The following ESRRG variants were observed in gnomAD, a reference collection of about 807,000 sequenced individuals.
ESRRG encodes estrogen-related receptor gamma.
ESRRG carries 13 observed loss-of-function variants against 44.0 expected under a neutral mutation model. That is an observed-to-expected ratio of 0.30 (90% CI 0.19 to 0.47). The LOEUF is 0.47. Among genes scored for constraint, ESRRG ranks in the 20% least tolerant of loss-of-function variants. The pLI is 1.00. For missense variants in ESRRG, 395 were observed against 580.6 expected, an observed-to-expected ratio of 0.68 and a Z score of 3.29; for synonymous variants, 215 against 214.6, an observed-to-expected ratio of 1.00 and a Z score of -0.02.
At chr1:217,006,788 T>C (rs1159063946) in intron 1 of ESRRG, among the ~76,000 whole-genome samples, 1 of 152,086 alleles carries the variant, frequency 6.6e-6, no homozygotes, top group African/African-American at 2.4e-5. Context: ...AGGTGTAAAT[T>C]TTCCACTTGT....
chr1:216,772,092 C>T (rs2093408787), intron 2 of ESRRG, among the ~76,000 whole-genome samples: 1 of 151,978 alleles, frequency 6.6e-6, no homozygotes, highest in Admixed American at 6.6e-5. Flanking sequence ...AGACAGGTAC[C>T]CGACAGATTT....
chr1:216,590,123 A>G (rs1334741856), intron 3 of ESRRG, among the ~76,000 whole-genome samples: 1 of 152,006 alleles, frequency 6.6e-6, no homozygotes, highest in East Asian at 1.9e-4. Context: ...AAATATATTC[A>G]ATATCACAGA....
chr1:216,902,956 C>T (rs1446172384), intron 2 of ESRRG, among the ~76,000 whole-genome samples: 1 of 152,154 alleles, frequency 6.6e-6, no homozygotes, highest in African/African-American at 2.4e-5. Context: ...CAGTACAAGG[C>T]TGTCATTGTT....
chr1:217,015,814 C>T (rs1188985937), intron 1 of ESRRG, among the ~76,000 whole-genome samples: 2 of 151,394 alleles, frequency 1.3e-5, no homozygotes, highest in Non-Finnish European at 2.9e-5. Flanking sequence ...ACTGCAACCT[C>T]CACCTCCCAG....
chr1:216,752,554 C>T (rs1469905300), intron 2 of ESRRG, among the ~76,000 whole-genome samples: 2 of 152,118 alleles, frequency 1.3e-5, no homozygotes, highest in African/African-American at 4.8e-5. Flanking sequence ...CAGTTCAGAA[C>T]ACACTGCTAG....
intron 1 of ESRRG, among the ~76,000 whole-genome samples, chr1:217,014,667 G>T (rs1240964877): frequency 1.3e-5 from 2 of 152,126 alleles, no homozygotes; most frequent in Non-Finnish European, 2.9e-5. Context: ...CTCCATCCTG[G>T]TGCTTTATTT....
At chr1:216,794,619 T>C (rs1030078657) in intron 2 of ESRRG, among the ~76,000 whole-genome samples, 4 of 152,190 alleles carry the variant, frequency 2.6e-5, no homozygotes, top group African/African-American at 7.2e-5. Context: ...ACATTTCTTT[T>C]TTTTCCCACT....
intron 2 of ESRRG, among the ~76,000 whole-genome samples, chr1:216,926,189 C>T (rs1035927415): frequency 2.0e-5 from 3 of 152,156 alleles, no homozygotes; most frequent in East Asian, 1.9e-4. Context: ...CCCCTGCCCT[C>T]GAGCTGCTGC....
intron 5 of ESRRG, among the ~76,000 whole-genome samples, chr1:216,533,887 G>C (rs2050129607): frequency 6.6e-6 from 1 of 152,034 alleles, no homozygotes; most frequent in South Asian, 2.1e-4. Flanking sequence ...ATGTAATAAA[G>C]GCCATGTAAT....
At chr1:216,689,267 A>T (rs532262363) in intron 1 of ESRRG, among the ~76,000 whole-genome samples, 8 of 152,174 alleles carry the variant, frequency 5.3e-5, no homozygotes, top group African/African-American at 1.9e-4. Flanking sequence ...AAAAGGTACC[A>T]TGTGAATACT....
chr1:216,897,190 C>T (rs537410670), intron 2 of ESRRG, among the ~76,000 whole-genome samples: 2 of 152,250 alleles, frequency 1.3e-5, no homozygotes, highest in East Asian at 1.9e-4. Flanking sequence ...ATGAGAAGGA[C>T]CCAGTGGATT....
chr1:216,696,169 A>C lies in ESRRG; in HGVS notation c.57-18678T>G, dbSNP rs141778661. 3.0e-3 allele frequency among the ~76,000 whole-genome samples: 458 copies of C among 152,320 alleles called. 13 individuals are homozygous for C. In the East Asian group the frequency reaches 0.064, roughly 21 times the overall value. ...AAAAATTACAACCCTACTGGTTCTC[A>C]AGACAACCTTGTAAGATGAGTGTTA... is the stretch of plus-strand genomic sequence containing the variant. On this transcript the variant is annotated intron_variant, in intron 1 of 6. Transcript: ENST00000408911.
chr1:217,045,672 T>C lies in ESRRG; in HGVS notation c.-106+43835A>G, dbSNP rs60337945. 3.2e-3 allele frequency among the ~76,000 whole-genome samples: 480 copies of C among 152,296 alleles called. 1 individual carries two copies. Among genetic ancestry groups the C allele is most frequent in the African/African-American group, 0.011 (456 of 41,564 alleles). ...GGATAGCACGTGTGGCTCTTGGCCA[T>C]GTTAACCGGGCTTTTCCTAGATACG... On this transcript the variant is annotated intron_variant, in intron 1 of 7. Coordinates refer to the ESRRG transcript ENST00000359162.
chr1:216,903,823 C>A (rs2059375046), intron 2 of ESRRG, among the ~76,000 whole-genome samples: 1 of 152,080 alleles, frequency 6.6e-6, no homozygotes, highest in South Asian at 2.1e-4. Context: ...AGGTATAGAT[C>A]ATTATTTGGT....
At chr1:217,084,622 A>C (rs147954410) in intron 1 of ESRRG, among the ~76,000 whole-genome samples, 1 of 152,310 alleles carries the variant, frequency 6.6e-6, no homozygotes, top group Non-Finnish European at 1.5e-5. Flanking sequence ...ACTAGTAAAC[A>C]ATCACTGTCA....
intron 1 of ESRRG, among the ~76,000 whole-genome samples, chr1:216,709,546 C>T (rs2151954164): frequency 6.6e-6 from 1 of 151,644 alleles, no homozygotes; most frequent in African/African-American, 2.4e-5. Context: ...TTTTAAATGC[C>T]CCCCTTCTTT....
intron 1 of ESRRG, among the ~76,000 whole-genome samples, chr1:216,691,152 G>T (rs1209955539): frequency 6.6e-6 from 1 of 152,038 alleles, no homozygotes; most frequent in Non-Finnish European, 1.5e-5. Flanking sequence ...GGTTTCCTTT[G>T]GTTTGGCTTT....
intron 2 of ESRRG, among the ~76,000 whole-genome samples, chr1:216,908,707 A>G (rs1011637247): frequency 1.3e-5 from 2 of 152,126 alleles, no homozygotes; most frequent in Non-Finnish European, 1.5e-5. Flanking sequence ...AGACAAACTA[A>G]AATATTGGGC....
chr1:216,732,087 G>C (rs12042592), intron 2 of ESRRG, among the ~76,000 whole-genome samples: 23,771 of 133,604 alleles, frequency 0.18, 1,994 homozygotes, highest in East Asian at 0.31. Context: ...TTAAGAAGTG[G>C]AATAAAAAAA....
Sources: allele counts gnomAD v4.1 joint callset (sites outside exome capture counted in the v4.1 genomes callset), GRCh38; gene constraint gnomAD v4.1.1; transcripts MANE v1.5; gene names NCBI Gene and HGNC (gene_info 2026-07-23, HGNC 2026-07-21).